Variants in PLD5 observed in about 807,000 individuals in gnomAD.
PLD5 encodes the protein phospholipase D family member 5.
PLD5 carries 36 observed loss-of-function variants against 61.1 expected under a neutral mutation model. That is an observed-to-expected ratio of 0.59 (90% CI 0.45 to 0.78). The LOEUF (loss-of-function observed/expected upper bound fraction) is 0.78, where lower values mean the gene tolerates loss of function less well. Among genes scored for constraint, PLD5 ranks in the 30% least tolerant of loss-of-function variants. The probability of loss-of-function intolerance (pLI) is 0.00; values close to 1 mark genes in which losing one functional copy is unlikely to be tolerated. For missense variants in PLD5, 515 were observed against 644.4 expected (o/e 0.80, Z 2.17); for synonymous variants, 243 against 242.8 (o/e 1.00, Z -0.01).
At chr1:242,153,756 C>T (rs555445982) in intron 5 of PLD5, among the ~76,000 whole-genome samples, 3 of 152,148 alleles carry the variant, frequency 2.0e-5, no homozygotes, top group East Asian at 1.9e-4. Context: ...GTTACTGTAG[C>T]CTTGTAGTAT....
chr1:242,515,926 C>T (rs145831469), intron 1 of PLD5, among the ~76,000 whole-genome samples: 139 of 152,280 alleles, frequency 9.1e-4, no homozygotes, highest in African/African-American at 3.2e-3. Flanking sequence ...GTTATGAGAG[C>T]TACAGATGCT....
intron 1 of PLD5, among the ~76,000 whole-genome samples, chr1:242,450,475 T>C (rs984948442): frequency 6.6e-6 from 1 of 152,200 alleles, no homozygotes; most frequent in Non-Finnish European, 1.5e-5. Flanking sequence ...TCCTTTTGCT[T>C]GGAGCCTGAT....
chr1:242,186,288 A>T (rs138669487), intron 5 of PLD5, among the ~76,000 whole-genome samples: 3,779 of 151,756 alleles, frequency 0.025, 171 homozygotes, highest in African/African-American at 0.087. Context: ...GTTCAAGCGA[A>T]CCTCCTGCCT....
chr1:242,361,416 A>T (rs1475963371), intron 1 of PLD5, among the ~76,000 whole-genome samples: 1 of 152,188 alleles, frequency 6.6e-6, no homozygotes, highest in Non-Finnish European at 1.5e-5. Flanking sequence ...ATCAAACTTC[A>T]GGGAACCAAG....
At chr1:242,177,153 T>C (rs1007553665) in intron 5 of PLD5, among the ~76,000 whole-genome samples, 7 of 151,604 alleles carry the variant, frequency 4.6e-5, no homozygotes, top group African/African-American at 1.7e-4. Flanking sequence ...CTGTTCACAG[T>C]AGCAACCCAA....
At chr1:242,438,586 G>T (rs1020653460) in intron 1 of PLD5, among the ~76,000 whole-genome samples, 1 of 151,696 alleles carries the variant, frequency 6.6e-6, no homozygotes, top group African/African-American at 2.4e-5. Context: ...TCAGATTACC[G>T]GCACGCATCA....
At chr1:242,191,978 G>A (rs1668316789) in intron 5 of PLD5, among the ~76,000 whole-genome samples, 1 of 152,168 alleles carries the variant, frequency 6.6e-6, no homozygotes, top group Admixed American at 6.5e-5. Flanking sequence ...GACTGGCTTG[G>A]GCACTGCCAA....
intron 1 of PLD5, among the ~76,000 whole-genome samples, chr1:242,457,514 GT>G (rs1454634816): frequency 6.6e-6 from 1 of 152,164 alleles, no homozygotes; most frequent in African/African-American, 2.4e-5. Flanking sequence ...TGGGGAAGAG[GT>G]TATGCTTGTG....
chr1:242,122,211 A>C (rs1279682405), intron 6 of PLD5, among the ~76,000 whole-genome samples: 1 of 152,196 alleles, frequency 6.6e-6, no homozygotes, highest in Non-Finnish European at 1.5e-5. Context: ...AAAATAACAA[A>C]GGTATCGAAT....
chr1:242,388,280 G>C (rs1662716052), intron 1 of PLD5, among the ~76,000 whole-genome samples: 1 of 152,204 alleles, frequency 6.6e-6, no homozygotes, highest in African/African-American at 2.4e-5. Context: ...GGAAAATGTA[G>C]GAGGATGGCT....
chr1:242,215,645 A>G (rs536068460), intron 5 of PLD5, among the ~76,000 whole-genome samples: 2 of 152,258 alleles, frequency 1.3e-5, no homozygotes, highest in South Asian at 4.1e-4. Context: ...ATTCTAGCAC[A>G]ACGCATCAAA....
intron 1 of PLD5, chr1:242,377,088 T>A: frequency 6.2e-7 from 1 of 1,611,778 alleles, no homozygotes; most frequent in East Asian, 2.2e-5. Context: ...GGGTTTGTTC[T>A]CCTGTTGGTT....
intron 5 of PLD5, among the ~76,000 whole-genome samples, chr1:242,126,250 C>T (rs777356481): frequency 3.9e-5 from 6 of 152,166 alleles, no homozygotes; most frequent in Non-Finnish European, 8.8e-5. Context: ...AAGTAATCTA[C>T]AAATTCAATG....
intron 8 of PLD5, among the ~76,000 whole-genome samples, chr1:242,101,628 C>T (rs1315817064): frequency 6.6e-6 from 1 of 152,144 alleles, no homozygotes; most frequent in Admixed American, 6.5e-5. Flanking sequence ...TGTGGAATGT[C>T]TTACAGCTAT....
At chr1:242,279,114 A>C (rs577313994) in intron 3 of PLD5, among the ~76,000 whole-genome samples, 1 of 152,368 alleles carries the variant, frequency 6.6e-6, no homozygotes, top group South Asian at 2.1e-4. Context: ...TGGGTCCTAG[A>C]GTCCAGGGCT....
At chr1:242,471,698 C>T (rs946434229) in intron 1 of PLD5, among the ~76,000 whole-genome samples, 1 of 152,066 alleles carries the variant, frequency 6.6e-6, no homozygotes, top group African/African-American at 2.4e-5. Flanking sequence ...ATACACAATA[C>T]ACAATGACAA....
chr1:242,325,859 A>G (rs1330429173), intron 2 of PLD5, among the ~76,000 whole-genome samples: 1 of 152,038 alleles, frequency 6.6e-6, no homozygotes, highest in Non-Finnish European at 1.5e-5. Flanking sequence ...AGAAATTCTT[A>G]TTTTATTATA....
chr1:242,383,430 T>C (rs1662418180), intron 1 of PLD5, among the ~76,000 whole-genome samples: 1 of 152,066 alleles, frequency 6.6e-6, no homozygotes, highest in African/African-American at 2.4e-5. Flanking sequence ...TCCTTGTTTT[T>C]CATTTACTTT....
intron 4 of PLD5, among the ~76,000 whole-genome samples, chr1:242,258,107 T>C (rs879471723): frequency 1.1e-4 from 17 of 152,232 alleles, no homozygotes; most frequent in African/African-American, 7.2e-5. Context: ...TTGTATTGTT[T>C]TCCTATAGAA....
Sources: gnomAD v4.1 joint callset for allele counts (sites outside exome capture counted in the v4.1 genomes callset) on GRCh38, gnomAD v4.1.1 for gene constraint, MANE v1.5 for transcripts, NCBI Gene and HGNC (gene_info 2026-07-23, HGNC 2026-07-21) for gene names.